FARS2: variants seen among roughly 807,000 people sequenced by gnomAD.
FARS2 encodes the protein phenylalanyl-tRNA synthetase 2, mitochondrial.
A neutral mutation model predicts 46.4 loss-of-function variants in FARS2; 40 were observed. That is an observed-to-expected ratio of 0.86 (90% confidence interval 0.67 to 1.12). The LOEUF is 1.12. Among genes scored for constraint, FARS2 ranks in the 50% most tolerant of loss-of-function variants. FARS2 has a pLI of 0.00. For synonymous variants in FARS2, 234 were observed against 214.9 expected, an observed-to-expected ratio of 1.09 and a Z score of -0.78; for missense variants, 513 against 567.9, an observed-to-expected ratio of 0.90 and a Z score of 0.98.
chr6:5,250,187 A>G, the FARS2 span, among the ~76,000 whole-genome samples: 2 of 152,020 alleles, frequency 1.3e-5, no homozygotes, highest in South Asian at 2.1e-4. Flanking sequence ...AATTATAACA[A>G]GTATTTTATT....
chr6:5,443,333 T>C (rs1763948753), intron 4 of FARS2, among the ~76,000 whole-genome samples: 1 of 152,226 alleles, frequency 6.6e-6, no homozygotes, highest in South Asian at 2.1e-4. Context: ...TTCCTTCTTT[T>C]ATCAGACTGT....
chr6:5,390,611 T>C (rs1227421658), intron 2 of FARS2, among the ~76,000 whole-genome samples: 1 of 152,234 alleles, frequency 6.6e-6, no homozygotes, highest in Non-Finnish European at 1.5e-5. Flanking sequence ...TTTCTTTCCC[T>C]TACAGTGTAT....
intron 6 of FARS2, among the ~76,000 whole-genome samples, chr6:5,737,906 A>C (rs1333531330): frequency 6.6e-6 from 1 of 152,192 alleles, no homozygotes; most frequent in Non-Finnish European, 1.5e-5. Context: ...CACTATTAGC[A>C]GTTGCTTTGT....
chr6:5,338,113 A>T (rs925672746), intron 1 of FARS2, among the ~76,000 whole-genome samples: 1 of 152,232 alleles, frequency 6.6e-6, no homozygotes, highest in African/African-American at 2.4e-5. Flanking sequence ...GAATGAAAAA[A>T]TAATGAGTTC....
At chr6:5,448,498 T>C (rs1764303956) in intron 4 of FARS2, among the ~76,000 whole-genome samples, 3 of 152,020 alleles carry the variant, frequency 2.0e-5, no homozygotes, top group African/African-American at 7.3e-5. Flanking sequence ...TACAGTGTAT[T>C]TTAGAGATGT....
chr6:5,559,621 T>C (rs1364141442), intron 5 of FARS2, among the ~76,000 whole-genome samples: 1 of 152,186 alleles, frequency 6.6e-6, no homozygotes, highest in African/African-American at 2.4e-5. Flanking sequence ...CACTAAAATA[T>C]AGAAATCCAG....
At position 5,371,454 on chromosome 6, in the gene FARS2, A is replaced by C. The variant is rs754282702; in HGVS notation, c.612+2272A>C. On this transcript the variant is annotated intron_variant, in intron 2 of 6. Coordinates refer to ENST00000274680, the MANE Select transcript of FARS2 (RefSeq NM_006567.5). ...TCAGCAAGAAGAAAAGTAAATACAG[A>C]GGTGCAGGGTAAAAAAACAATGATA... Among the ~76,000 whole-genome samples, 29 of 152,194 alleles carry C rather than the reference A, an allele frequency of 1.9e-4. 1 individual carries two copies. Among genetic ancestry groups the C allele is most frequent in the Non-Finnish European group, 3.5e-4 (24 of 68,018 alleles).
intron 6 of FARS2, among the ~76,000 whole-genome samples, chr6:5,655,177 A>T (rs533406664): frequency 6.6e-6 from 1 of 152,168 alleles, no homozygotes; most frequent in East Asian, 1.9e-4. Flanking sequence ...TCCACCGTAT[A>T]TGCTTTTCTC....
In FARS2 at chr6:5,369,132, T is replaced by C. The variant is rs1434464323; in HGVS notation, c.562T>C (p.Tyr188His). 4 of 1,612,412 alleles carry C rather than the reference T, an allele frequency of 2.5e-6. No homozygotes were observed. The Admixed American group carries it at 5.0e-5, about 20-fold the overall frequency. ...YRRDQIDSQHYPIFHQLEAVR... is the reference protein window; with the variant it reads ...YRRDQIDSQHHPIFHQLEAVR... Reference sequence around the variant, plus strand: ...GCGTGACCAGATCGACTCCCAGCACTACCCTATTTTCCACCAGCTGGAGGC... The same window carrying C: ...GCGTGACCAGATCGACTCCCAGCACCACCCTATTTTCCACCAGCTGGAGGC... Residue 188 changes from tyrosine (Y) to histidine (H), a missense_variant, in exon 2 of 7, where the codon TAC becomes CAC. Tyr to His is a moderately conservative substitution (Grantham distance 83, BLOSUM62 2). Transcript: ENST00000274680.
At chr6:5,639,407 A>G (rs1204987346) in intron 6 of FARS2, among the ~76,000 whole-genome samples, 1 of 152,166 alleles carries the variant, frequency 6.6e-6, no homozygotes, top group Non-Finnish European at 1.5e-5. Context: ...AAATGTTACC[A>G]TGTTTACACC....
chr6:5,701,892 T>G (rs2150885367), intron 6 of FARS2, among the ~76,000 whole-genome samples: 1 of 152,350 alleles, frequency 6.6e-6, no homozygotes, highest in Admixed American at 6.5e-5. Context: ...CTCATTTTTA[T>G]TAACATATAC....
intron 1 of FARS2, among the ~76,000 whole-genome samples, chr6:5,342,754 GAAAAA>G (rs1192128961): frequency 9.6e-6 from 1 of 104,132 alleles, no homozygotes; most frequent in African/African-American, 3.6e-5. Context: ...CTCTGTCTAA[GAAAAA>G]AAAAAAAAAG....
At chr6:5,598,070 A>C (rs1217316333) in intron 5 of FARS2, among the ~76,000 whole-genome samples, 3 of 152,092 alleles carry the variant, frequency 2.0e-5, no homozygotes, top group Non-Finnish European at 4.4e-5. Context: ...TGCCCAGAGC[A>C]ACTATGATGT....
In FARS2 at chr6:5,270,161, G is replaced by A. The variant is rs189097301; in HGVS notation, c.-22+8501G>A. Among the ~76,000 whole-genome samples, 16 of 152,268 alleles carry A rather than the reference G, an allele frequency of 1.1e-4. No homozygotes were observed. The East Asian group carries it at 1.3e-3, about 13-fold the overall frequency. On this transcript the variant is annotated intron_variant, in intron 1 of 6. Coordinates refer to ENST00000274680, the MANE Select transcript of FARS2 (RefSeq NM_006567.5). ...CAGTGCAAAGGGAAAGTAAAATGAA[G>A]CAGTCATGAAATAGAAAAAGCTTAG...
intron 1 of FARS2, among the ~76,000 whole-genome samples, chr6:5,328,740 C>G (rs1214179407): frequency 6.6e-6 from 1 of 151,986 alleles, no homozygotes; most frequent in Non-Finnish European, 1.5e-5. Context: ...GAATCTCTTC[C>G]TAGCAAGAAG....
At chr6:5,257,683 A>G (rs1252944906), upstream of FARS2, among the ~76,000 whole-genome samples, 4 of 152,208 alleles carry the variant, frequency 2.6e-5, no homozygotes, top group Non-Finnish European at 5.9e-5. Flanking sequence ...TGAACTGTGC[A>G]TGTGAGTGAT....
At chr6:5,570,394 T>C (rs1181298655) in intron 5 of FARS2, among the ~76,000 whole-genome samples, 4 of 152,252 alleles carry the variant, frequency 2.6e-5, no homozygotes, top group Non-Finnish European at 5.9e-5. Context: ...GGTGCAGTGA[T>C]AAAAACCACA....
Position 5,263,825 on chromosome 6 carries a change from A to G in FARS2, c.-22+2165A>G, listed in dbSNP as rs138794711. ...AGAGAAATTTCTCTAATCATAATAA[A>G]CAGTGTAACAACAATTTACTGTCCT... is the stretch of plus-strand genomic sequence containing the variant. On this transcript the variant is annotated intron_variant, in intron 1 of 6. Coordinates refer to ENST00000274680, the MANE Select transcript of FARS2 (RefSeq NM_006567.5). Among the ~76,000 whole-genome samples, 144 of 152,350 alleles carry G rather than the reference A, an allele frequency of 9.5e-4. 1 individual carries two copies. Among genetic ancestry groups the G allele is most frequent in the Non-Finnish European group, 1.8e-3 (125 of 68,046 alleles).
At chr6:5,495,319 T>C (rs1767393088) in intron 4 of FARS2, among the ~76,000 whole-genome samples, 2 of 152,360 alleles carry the variant, frequency 1.3e-5, no homozygotes, top group East Asian at 3.9e-4. Flanking sequence ...CTTTTCTACA[T>C]CGTCGTAATT....
Sources: allele counts gnomAD v4.1 joint callset (sites outside exome capture counted in the v4.1 genomes callset), GRCh38; gene constraint gnomAD v4.1.1; transcripts MANE v1.5; gene names NCBI Gene and HGNC (gene_info 2026-07-23, HGNC 2026-07-21).